The following LRRC2 variants were observed in gnomAD, a reference collection of about 807,000 sequenced individuals.
LRRC2 encodes the protein leucine rich repeat containing 2.
In LRRC2, 27 loss-of-function variants were observed where a neutral mutation model predicts 40.2. That is an observed-to-expected ratio of 0.67 (90% CI 0.49 to 0.93). The LOEUF (loss-of-function observed/expected upper bound fraction) is 0.93. LRRC2 is among the 40% of genes least tolerant of loss of function. The pLI is 0.00. For missense variants in LRRC2, 402 were observed against 439.6 expected, an observed-to-expected ratio of 0.91 and a Z score of 0.76; for synonymous variants, 147 against 158.9, an observed-to-expected ratio of 0.92 and a Z score of 0.56.
At chr3:46,563,102 G>GCACA (rs139111353) in intron 1 of LRRC2, among the ~76,000 whole-genome samples, 2 of 141,506 alleles carry the variant, frequency 1.4e-5, no homozygotes, top group Non-Finnish European at 3.1e-5. Context: ...ACACATGCAT[G>GCACA]CACACACACA....
chr3:46,519,161 C>T, intron 8 of LRRC2, 98 bp from the exon 9 acceptor site: 6 of 812,726 alleles, frequency 7.4e-6, no homozygotes, highest in Non-Finnish European at 1.1e-5. Context: ...TGTCAATACA[C>T]CCATTATTGT....
chr3:46,563,941 C>T (rs1705003248), intron 1 of LRRC2, among the ~76,000 whole-genome samples: 1 of 152,210 alleles, frequency 6.6e-6, no homozygotes, highest in African/African-American at 2.4e-5. Flanking sequence ...TGCTTCTGAA[C>T]CTCAACACAG....
At chr3:46,521,407 T>A in intron 8 of LRRC2, 115 bp downstream of exon 8, 1 of 709,934 alleles carries the variant, frequency 1.4e-6, no homozygotes, top group Non-Finnish European at 2.3e-6. Context: ...ATTTACGAAG[T>A]AACGTGCCCC....
chr3:46,530,150 C>A, intron 5 of LRRC2, 100 bp from the exon 6 acceptor site: 2 of 951,060 alleles, frequency 2.1e-6, no homozygotes, highest in Non-Finnish European at 3.2e-6. Context: ...AAAGGCATTT[C>A]TATGAATATA....
At chr3:46,558,525 A>G (rs1206494210) in intron 1 of LRRC2, 1 of 152,240 alleles carries the variant, frequency 6.6e-6, no homozygotes, top group East Asian at 1.9e-4. Flanking sequence ...TCCAGTGTCC[A>G]GGTCTAACTT....
At chr3:46,539,722 T>C (rs1183961965) in intron 3 of LRRC2, among the ~76,000 whole-genome samples, 2 of 152,164 alleles carry the variant, frequency 1.3e-5, no homozygotes, top group Non-Finnish European at 2.9e-5. Context: ...GGCCCTGCCA[T>C]TTTCCAGTCA....
chr3:46,519,043 T>G lies in LRRC2; in HGVS notation c.1087A>C (p.Thr363Pro), dbSNP rs1023215147. 3 of 1,610,090 alleles carry G rather than the reference T, an allele frequency of 1.9e-6. No individual in the cohort carries two copies. The Admixed American group carries it at 5.0e-5, about 27-fold the overall frequency. Residue 363 changes from threonine to proline, a missense_variant, in exon 9 of 9, where the codon ACC (threonine) becomes CCC (proline). Physicochemically the swap from Thr to Pro is conservative, Grantham distance 38 (BLOSUM62 -1). Transcript: ENST00000395905. ...AGTTGAAGGCTAAAAGACACTTTGG[T>G]GGTATAGCTGGGAACAGATTCTGTA... ...KERESVPSYT[T>P]KVSFSLQL
intron 1 of LRRC2, among the ~76,000 whole-genome samples, chr3:46,564,453 C>T (rs1705016148): frequency 6.6e-6 from 1 of 151,806 alleles, no homozygotes; most frequent in Non-Finnish European, 1.5e-5. Context: ...AGTCCTCTCC[C>T]TTCTTGTCAA....
chr3:46,528,142 T>C (rs1704092486), intron 6 of LRRC2, among the ~76,000 whole-genome samples: 1 of 152,170 alleles, frequency 6.6e-6, no homozygotes, highest in African/African-American at 2.4e-5. Flanking sequence ...TACTGCACAA[T>C]ACACACTAGG....
chr3:46,549,867 T>C (rs561289586), intron 2 of LRRC2, among the ~76,000 whole-genome samples: 2 of 152,304 alleles, frequency 1.3e-5, no homozygotes, highest in African/African-American at 4.8e-5. Flanking sequence ...AGATGCTAGG[T>C]GTGCGGAGGA....
At chr3:46,556,736 G>A (rs1209653306) in intron 1 of LRRC2, among the ~76,000 whole-genome samples, 1 of 151,650 alleles carries the variant, frequency 6.6e-6, no homozygotes, top group African/African-American at 2.4e-5. Context: ...GTGCCACCAC[G>A]CCCGGCTAAT....
chr3:46,533,023 A>ATTATGTTTAGTTC, intron 4 of LRRC2, 114 bp from the exon 5 acceptor site: 3 of 1,116,494 alleles, frequency 2.7e-6, no homozygotes, highest in Non-Finnish European at 3.9e-6. Flanking sequence ...AAGGAACTAA[A>ATTATGTTTAGTTC]CATAATTTAG....
intron 1 of LRRC2, among the ~76,000 whole-genome samples, chr3:46,561,956 C>A (rs1251460265): frequency 6.6e-6 from 1 of 152,134 alleles, no homozygotes; most frequent in Non-Finnish European, 1.5e-5. Context: ...CTGATCCTAG[C>A]TTTAGTGGAC....
intron 1 of LRRC2, among the ~76,000 whole-genome samples, chr3:46,562,345 T>C (rs1039722290): frequency 6.6e-6 from 1 of 152,154 alleles, no homozygotes; most frequent in East Asian, 1.9e-4. Context: ...GCAGCCCCTG[T>C]GGACATCTTG....
chr3:46,525,807 T>C (rs1354466088), intron 7 of LRRC2, among the ~76,000 whole-genome samples: 1 of 152,222 alleles, frequency 6.6e-6, no homozygotes, highest in African/African-American at 2.4e-5. Flanking sequence ...TTCTTTATTA[T>C]TTTTTGGGAA....
intron 4 of LRRC2, 83 bp from the exon 5 acceptor site, chr3:46,532,992 G>T: frequency 7.3e-7 from 1 of 1,373,010 alleles, no homozygotes; most frequent in Non-Finnish European, 1.0e-6. Context: ...GAAGTAAACA[G>T]CTCTGTAAAT....
In LRRC2 at chr3:46,527,445, C is replaced by T. The variant is rs370076260; in HGVS notation, c.910G>A (p.Asp304Asn). 10 of 1,613,782 alleles carry T rather than the reference C, an allele frequency of 6.2e-6. No homozygotes were observed. The highest frequency in any genetic ancestry group is 8.5e-6 in the Non-Finnish European group (10 of 1,179,864). The change falls in exon 7 of 9, where the codon GAC becomes AAC. Residue 304 changes from aspartate (D) to asparagine (N), a missense_variant. By Grantham distance (23) the Asp-to-Asn change is conservative. Transcript: ENST00000395905. ...ACTCACTTTAAAGGTGTGGATGAGT[C>T]ACAAAGGGCAGTTGGGAGCTCCACC... ...HLVELPTALC[D>N]SSTPLKFVSL... is the part of the protein sequence containing the mutation.
At chr3:46,556,071 C>T (rs1394626349) in intron 1 of LRRC2, among the ~76,000 whole-genome samples, 5 of 151,736 alleles carry the variant, frequency 3.3e-5, no homozygotes, top group Admixed American at 1.3e-4. Flanking sequence ...TTGAATCACA[C>T]TTTCCTATAG....
At chr3:46,557,021 A>G (rs1285854350) in intron 1 of LRRC2, among the ~76,000 whole-genome samples, 1 of 152,004 alleles carries the variant, frequency 6.6e-6, no homozygotes. Context: ...CTTCTCTTCT[A>G]TTTTTTGTTT....
Sources: allele counts gnomAD v4.1 joint callset (sites outside exome capture counted in the v4.1 genomes callset), GRCh38; gene constraint gnomAD v4.1.1; transcripts MANE v1.5; gene names NCBI Gene and HGNC (gene_info 2026-07-23, HGNC 2026-07-21).